PIK3C2G: variants seen among roughly 807,000 people sequenced by gnomAD.
PIK3C2G encodes phosphatidylinositol 3-kinase C2 domain-containing subunit gamma.
In PIK3C2G, 168 loss-of-function variants were observed where a neutral mutation model predicts 181.1. That is an observed-to-expected ratio of 0.93 (90% CI 0.82 to 1.05). PIK3C2G has a LOEUF of 1.05. Among genes scored for constraint, PIK3C2G ranks in the 50% least tolerant of loss-of-function variants. The pLI is 0.00. For synonymous variants in PIK3C2G, 573 were observed against 592.2 expected (o/e 0.97, Z 0.47); for missense variants, 1,869 against 1,732.8 (o/e 1.08, Z -1.40).
At chr12:18,541,576 A>C (rs1944157041) in intron 25 of PIK3C2G, among the ~76,000 whole-genome samples, 1 of 152,040 alleles carries the variant, frequency 6.6e-6, no homozygotes, top group South Asian at 2.1e-4. Flanking sequence ...GTGATGGGGA[A>C]GAGTGTCTGC....
intron 15 of PIK3C2G, among the ~76,000 whole-genome samples, chr12:18,395,924 T>A (rs1592150221): frequency 1.4e-5 from 2 of 142,800 alleles, no homozygotes; most frequent in African/African-American, 5.2e-5. Context: ...AGGAAAAAAA[T>A]ATGAAAGGAA....
intron 11 of PIK3C2G, among the ~76,000 whole-genome samples, chr12:18,355,463 C>A (rs189772614): frequency 6.6e-6 from 1 of 152,326 alleles, no homozygotes; most frequent in African/African-American, 2.4e-5. Context: ...TTGTATCTCT[C>A]CCCTAGTTCC....
intron 16 of PIK3C2G, among the ~76,000 whole-genome samples, chr12:18,410,179 C>T (rs1944780128): frequency 6.6e-6 from 1 of 152,128 alleles, no homozygotes; most frequent in Admixed American, 6.5e-5. Flanking sequence ...ATGGGGCACA[C>T]TAGCTGACTA....
chr12:18,436,018 A>C (rs1946428052), intron 18 of PIK3C2G, among the ~76,000 whole-genome samples: 1 of 152,012 alleles, frequency 6.6e-6, no homozygotes, highest in South Asian at 2.1e-4. Context: ...ATGAAGAATT[A>C]ATTATTTTAT....
chr12:18,538,595 A>G (rs544866607), intron 25 of PIK3C2G, among the ~76,000 whole-genome samples: 1 of 152,112 alleles, frequency 6.6e-6, no homozygotes, highest in East Asian at 1.9e-4. Flanking sequence ...AGTAATTTTA[A>G]AAATAATGCC....
intron 25 of PIK3C2G, among the ~76,000 whole-genome samples, chr12:18,540,902 CTCT>C (rs1260707721): frequency 6.6e-6 from 1 of 151,888 alleles, no homozygotes; most frequent in Non-Finnish European, 1.5e-5. Context: ...CCTCTCAACT[CTCT>C]TCTTCTCAAC....
intron 30 of PIK3C2G, among the ~76,000 whole-genome samples, chr12:18,601,962 G>C (rs1422719924): frequency 6.6e-6 from 1 of 152,120 alleles, no homozygotes; most frequent in Non-Finnish European, 1.5e-5. Context: ...GCCAGAGGAG[G>C]GGGTAAAACT....
At chr12:18,398,450 C>T (rs1260503091) in intron 15 of PIK3C2G, among the ~76,000 whole-genome samples, 3 of 152,026 alleles carry the variant, frequency 2.0e-5, no homozygotes, top group Non-Finnish European at 4.4e-5. Flanking sequence ...ATGAGGAAAA[C>T]TTTAAAATGA....
intron 8 of PIK3C2G, among the ~76,000 whole-genome samples, chr12:18,331,082 G>A (rs1341890473): frequency 6.6e-6 from 1 of 151,938 alleles, no homozygotes; most frequent in Non-Finnish European, 1.5e-5. Context: ...CCCCTGTTCT[G>A]TTTCATAAAT....
At chr12:18,590,590 T>C (rs1292867478) in intron 29 of PIK3C2G, among the ~76,000 whole-genome samples, 1 of 151,830 alleles carries the variant, frequency 6.6e-6, no homozygotes, top group Non-Finnish European at 1.5e-5. Context: ...CATAGGTTAT[T>C]AATGAGAGCA....
intron 31 of PIK3C2G, among the ~76,000 whole-genome samples, chr12:18,626,004 T>C (rs935445188): frequency 2.0e-5 from 3 of 151,934 alleles, no homozygotes; most frequent in African/African-American, 7.2e-5. Context: ...AAGAATTTAA[T>C]ACATTTACAT....
chr12:18,549,070 C>A (rs1944592603), intron 26 of PIK3C2G, among the ~76,000 whole-genome samples: 1 of 151,958 alleles, frequency 6.6e-6, no homozygotes, highest in Non-Finnish European at 1.5e-5. Flanking sequence ...CTTTTAATCC[C>A]ACCCATCCCT....
chr12:18,554,888 G>T (rs1944922918), intron 26 of PIK3C2G, among the ~76,000 whole-genome samples: 1 of 152,098 alleles, frequency 6.6e-6, no homozygotes, highest in Admixed American at 6.6e-5. Context: ...TGGACACTCA[G>T]TCAGTAACTT....
At chr12:18,565,544 T>C (rs1490615583) in intron 28 of PIK3C2G, among the ~76,000 whole-genome samples, 2 of 152,136 alleles carry the variant, frequency 1.3e-5, no homozygotes, top group East Asian at 3.9e-4. Context: ...TAATGAAATA[T>C]CAAATCAAAT....
chr12:18,462,592 G>A (rs1178771035), intron 18 of PIK3C2G, among the ~76,000 whole-genome samples: 1 of 152,086 alleles, frequency 6.6e-6, no homozygotes, highest in African/African-American at 2.4e-5. Context: ...TCTGAAATCT[G>A]GGCCAGTGCC....
chr12:18,653,272 C>T (rs1046797219), downstream of PIK3C2G, among the ~76,000 whole-genome samples: 1 of 151,906 alleles, frequency 6.6e-6, no homozygotes, highest in Non-Finnish European at 1.5e-5. Context: ...ATTACCCATG[C>T]CAAAAGTGAA....
intron 26 of PIK3C2G, among the ~76,000 whole-genome samples, chr12:18,550,976 AT>A (rs1944699690): frequency 6.6e-6 from 1 of 151,992 alleles, no homozygotes; most frequent in South Asian, 2.1e-4. Flanking sequence ...ACAACCCAAG[AT>A]TTTTCCTCAC....
intron 26 of PIK3C2G, among the ~76,000 whole-genome samples, chr12:18,558,644 T>G (rs2136315945): frequency 6.6e-6 from 1 of 152,268 alleles, no homozygotes; most frequent in East Asian, 1.9e-4. Context: ...GTGGACTAGC[T>G]GTTGCTTCTG....
At chr12:18,270,795 C>T (rs1948715144) in intron 1 of PIK3C2G, among the ~76,000 whole-genome samples, 1 of 152,018 alleles carries the variant, frequency 6.6e-6, no homozygotes, top group Non-Finnish European at 1.5e-5. Context: ...CCAACTCCTT[C>T]TATTATTAAA....
Sources: allele counts gnomAD v4.1 joint callset (sites outside exome capture counted in the v4.1 genomes callset), GRCh38; gene constraint gnomAD v4.1.1; transcripts MANE v1.5; gene names NCBI Gene and HGNC (gene_info 2026-07-23, HGNC 2026-07-21).